Variants in CSMD1 observed in about 807,000 individuals in gnomAD.
The protein encoded by CSMD1 is CUB and Sushi multiple domains 1, also known as CUB and sushi domain-containing protein 1.
In CSMD1, 213 loss-of-function variants were observed where a neutral mutation model predicts 417.5. That is an observed-to-expected ratio of 0.51 (90% CI 0.46 to 0.57). The LOEUF is 0.57. CSMD1 is among the 20% of genes least tolerant of loss of function. The pLI is 0.00. For synonymous variants in CSMD1, 2,862 were observed against 1,736.8 expected (o/e 1.65, Z -16.11); for missense variants, 6,923 against 4,529.7 (o/e 1.53, Z -15.17).
chr8:4,242,493 C>A (rs1223112454), intron 3 of CSMD1, among the ~76,000 whole-genome samples: 1 of 152,170 alleles, frequency 6.6e-6, no homozygotes. Context: ...TTCCTGAGAG[C>A]AATTTTCATA....
intron 6 of CSMD1, among the ~76,000 whole-genome samples, chr8:3,718,169 T>A (rs967594958): frequency 3.3e-5 from 5 of 152,232 alleles, no homozygotes; most frequent in African/African-American, 1.2e-4. Context: ...GTCTGTACAT[T>A]ACGAGAAGCG....
chr8:3,053,500 A>G (rs1452162322), intron 49 of CSMD1, among the ~76,000 whole-genome samples: 2 of 152,104 alleles, frequency 1.3e-5, no homozygotes, highest in African/African-American at 2.4e-5. Context: ...TTACAAGAAA[A>G]CACGACATAA....
At chr8:4,764,942 A>C (rs1209416562) in intron 1 of CSMD1, among the ~76,000 whole-genome samples, 1 of 150,448 alleles carries the variant, frequency 6.6e-6, no homozygotes, top group Non-Finnish European at 1.5e-5. Flanking sequence ...ATTTGAAGGT[A>C]ATTTCCATGT....
At chr8:3,075,777 C>A (rs569474325) in intron 49 of CSMD1, among the ~76,000 whole-genome samples, 1 of 151,340 alleles carries the variant, frequency 6.6e-6, no homozygotes, top group Non-Finnish European at 1.5e-5. Flanking sequence ...CGCGGTGGCT[C>A]ATGCCTGTAA....
At chr8:4,219,632 C>T (rs1164966274) in intron 3 of CSMD1, among the ~76,000 whole-genome samples, 1 of 148,838 alleles carries the variant, frequency 6.7e-6, no homozygotes, top group African/African-American at 2.4e-5. Context: ...TCACTTTAAG[C>T]AAATCTTTGT....
At chr8:3,436,937 A>G (rs1394172790) in intron 12 of CSMD1, among the ~76,000 whole-genome samples, 1 of 152,152 alleles carries the variant, frequency 6.6e-6, no homozygotes, top group Non-Finnish European at 1.5e-5. Flanking sequence ...CAAAAAAAAG[A>G]GTGTGAAGCT....
chr8:4,141,992 AC>A (rs1803819924), intron 3 of CSMD1, among the ~76,000 whole-genome samples: 2 of 150,992 alleles, frequency 1.3e-5, no homozygotes, highest in Non-Finnish European at 2.9e-5. Context: ...ATTTCTCTCA[AC>A]TTATATATTC....
intron 3 of CSMD1, among the ~76,000 whole-genome samples, chr8:4,157,427 T>G (rs995723615): frequency 6.6e-6 from 1 of 152,130 alleles, no homozygotes; most frequent in Non-Finnish European, 1.5e-5. Context: ...TCCTTTTTCT[T>G]TCTCTATTTT....
intron 21 of CSMD1, among the ~76,000 whole-genome samples, chr8:3,353,548 C>A (rs1425187064): frequency 1.3e-5 from 2 of 152,168 alleles, no homozygotes; most frequent in Admixed American, 1.3e-4. Context: ...GCTCCAGACC[C>A]TGGGGCAGTA....
At chr8:3,880,813 A>G (rs1271799202) in intron 5 of CSMD1, among the ~76,000 whole-genome samples, 1 of 152,218 alleles carries the variant, frequency 6.6e-6, no homozygotes, top group African/African-American at 2.4e-5. Context: ...GGTTATAAAG[A>G]TAATTCCTAA....
intron 7 of CSMD1, among the ~76,000 whole-genome samples, chr8:3,660,367 G>C (rs1387152687): frequency 6.6e-6 from 1 of 151,966 alleles, no homozygotes; most frequent in Non-Finnish European, 1.5e-5. Flanking sequence ...TCTTCCCAGG[G>C]ACCAGCACAG....
intron 1 of CSMD1, among the ~76,000 whole-genome samples, chr8:4,777,893 AAACTACCTATCCCACATCAAAGGGCT>A (rs1485284979): frequency 6.6e-6 from 1 of 152,194 alleles, no homozygotes; most frequent in Non-Finnish European, 1.5e-5. Flanking sequence ...ATCCTCAAAT[AAACTACCTATCCCACATCAAAGGGCT>A]ACTCCCTATA....
chr8:3,271,675 A>G (rs1357298288), intron 26 of CSMD1, among the ~76,000 whole-genome samples: 5 of 152,178 alleles, frequency 3.3e-5, no homozygotes, highest in Admixed American at 1.3e-4. Flanking sequence ...TTTCTCTGAT[A>G]GCCAGTGATG....
intron 12 of CSMD1, among the ~76,000 whole-genome samples, chr8:3,461,628 T>C (rs1303282926): frequency 6.6e-6 from 1 of 152,196 alleles, no homozygotes. Context: ...AAGCTATCCC[T>C]GTGGCCCAGC....
intron 3 of CSMD1, among the ~76,000 whole-genome samples, chr8:4,390,579 T>C (rs898552159): frequency 3.3e-5 from 5 of 151,238 alleles, no homozygotes; most frequent in African/African-American, 4.9e-5. Flanking sequence ...AGTGGTGCGA[T>C]CTCAGCTCCC....
At chr8:4,938,223 T>C (rs1249679622) in intron 1 of CSMD1, among the ~76,000 whole-genome samples, 2 of 152,078 alleles carry the variant, frequency 1.3e-5, no homozygotes, top group African/African-American at 4.8e-5. Flanking sequence ...AGCTCTGGAG[T>C]GACTGGTACA....
intron 26 of CSMD1, among the ~76,000 whole-genome samples, chr8:3,253,039 G>C (rs141138154): frequency 1.2e-3 from 180 of 150,740 alleles, no homozygotes; most frequent in Middle Eastern, 6.8e-3. Context: ...ATTTTTTGAA[G>C]GGTATTTTAG....
intron 7 of CSMD1, among the ~76,000 whole-genome samples, chr8:3,658,982 G>A (rs922796): frequency 0.85 from 129,916 of 152,194 alleles, 55,692 homozygotes; most frequent in Non-Finnish European, 0.89. Context: ...CCTAATATTT[G>A]TAGTGTGTTC....
At chr8:4,037,397 A>G (rs530975628) in intron 3 of CSMD1, among the ~76,000 whole-genome samples, 3 of 152,344 alleles carry the variant, frequency 2.0e-5, no homozygotes, top group Admixed American at 6.5e-5. Flanking sequence ...GCAACAGCCC[A>G]GTGGCATTAT....
Sources: allele counts gnomAD v4.1 joint callset (sites outside exome capture counted in the v4.1 genomes callset), GRCh38; gene constraint gnomAD v4.1.1; transcripts MANE v1.5; gene names NCBI Gene and HGNC (gene_info 2026-07-23, HGNC 2026-07-21).